NELL2: variants seen among roughly 807,000 people sequenced by gnomAD.
NELL2 encodes the protein neural EGFL like 2, also known as protein kinase C-binding protein NELL2.
In NELL2, 41 loss-of-function variants were observed where a neutral mutation model predicts 109.6. That is an observed-to-expected ratio of 0.37 (90% CI 0.29 to 0.49). The LOEUF is 0.49. Ranked by LOEUF, NELL2 falls within the 20% of genes least tolerant of loss-of-function variation. The pLI is 0.98. For synonymous variants in NELL2, 355 were observed against 344.7 expected, an observed-to-expected ratio of 1.03 and a Z score of -0.33; for missense variants, 900 against 1,008.3, an observed-to-expected ratio of 0.89 and a Z score of 1.45.
intron 15 of NELL2, among the ~76,000 whole-genome samples, chr12:44,542,020 T>G (rs1942595289): frequency 6.6e-6 from 1 of 152,154 alleles, no homozygotes. Context: ...AAGACCTACA[T>G]CTAAATACAC....
chr12:44,830,939 G>T (rs906700034), intron 2 of NELL2, among the ~76,000 whole-genome samples: 1 of 151,842 alleles, frequency 6.6e-6, no homozygotes, highest in African/African-American at 2.4e-5. Flanking sequence ...TGCTTTAAAA[G>T]TGTCAGAATT....
chr12:44,799,717 G>A lies in NELL2; in HGVS notation c.335+16269C>T, dbSNP rs145765005. ...TCTGAAGGGTTTTCAGGTGTGTAGG[G>A]GGGGTGATGTATTTAATATAGCTAA... On this transcript the variant is annotated intron_variant, in intron 3 of 19. Transcript: ENST00000429094. 5.1e-3 allele frequency among the ~76,000 whole-genome samples: 776 copies of A among 152,230 alleles called. 7 individuals are homozygous for A. The highest frequency in any genetic ancestry group is 0.018 in the African/African-American group (731 of 41,526).
At chr12:44,736,101 C>A (rs545433680) in intron 9 of NELL2, among the ~76,000 whole-genome samples, 8 of 150,738 alleles carry the variant, frequency 5.3e-5, no homozygotes, top group Non-Finnish European at 7.4e-5. Flanking sequence ...AGCTCCGCCT[C>A]CCGGGTTCAC....
At chr12:44,554,727 T>C (rs1378002787) in intron 15 of NELL2, among the ~76,000 whole-genome samples, 2 of 152,230 alleles carry the variant, frequency 1.3e-5, no homozygotes, top group African/African-American at 4.8e-5. Context: ...TACTGGTGTA[T>C]GACTGTCAAC....
chr12:44,777,124 G>T lies in NELL2; in HGVS notation c.680C>A (p.Thr227Asn), dbSNP rs1442690612. The T allele has an allele frequency of 6.2e-7, 1 of 1,613,960 alleles. No homozygotes were observed. The highest frequency in any genetic ancestry group is 8.5e-7 in the Non-Finnish European group (1 of 1,179,872). Residue 227 changes from threonine to asparagine, a missense_variant and splice_region_variant, in exon 7 of 20, where the codon ACC (threonine) becomes AAC (asparagine). Coordinates refer to ENST00000429094, the MANE Select transcript of NELL2 (RefSeq NM_001145108.2). ...FIAQCPDLNR[T>N]CPTCNDFHGL... is the part of the protein sequence containing the mutation. ...ATGGAAGTCATTGCAAGTTGGACAG[G>T]CTGGAATTACAAACACTACATTTGG...
intron 1 of NELL2, among the ~76,000 whole-genome samples, chr12:44,883,792 C>T (rs1371564178): frequency 6.6e-6 from 1 of 151,788 alleles, no homozygotes; most frequent in Non-Finnish European, 1.5e-5. Context: ...TCATAATTCT[C>T]TAGAGCACCA....
chr12:44,875,342 C>T lies in NELL2; in HGVS notation c.67G>A (p.Gly23Ser), dbSNP rs769785754. ...IFGLGAVWGL[G>S]VDPSLQIDVL... The stretch of plus-strand genomic sequence containing the variant: ...TCAATCTGTAGGGAAGGGTCCACAC[C>T]AAGCCCCCAAACTGGTGAGGGGTAT... The change falls in exon 2 of 20, where the codon GGT (glycine) becomes AGT (serine). Residue 23 changes from glycine to serine, a missense_variant. Gly to Ser is a moderately conservative substitution (Grantham distance 56). Coordinates refer to ENST00000429094, the MANE Select transcript of NELL2 (RefSeq NM_001145108.2). 36 of 1,613,938 alleles carry T rather than the reference C, an allele frequency of 2.2e-5. No homozygotes were observed. The highest frequency in any genetic ancestry group is 1.8e-4 in the Admixed American group (11 of 60,004).
intron 15 of NELL2, among the ~76,000 whole-genome samples, chr12:44,582,117 A>G (rs1944345095): frequency 6.6e-6 from 1 of 152,324 alleles, no homozygotes; most frequent in African/African-American, 2.4e-5. Flanking sequence ...GGGTGGGTAA[A>G]GACTGGGAAG....
chr12:44,656,975 CAAAG>C (rs1229288265), intron 13 of NELL2, among the ~76,000 whole-genome samples: 1 of 152,166 alleles, frequency 6.6e-6, no homozygotes. Context: ...TTAAATCCAT[CAAAG>C]AAATTACCTT....
At chr12:44,537,743 T>A (rs898388805) in intron 15 of NELL2, among the ~76,000 whole-genome samples, 1 of 152,154 alleles carries the variant, frequency 6.6e-6, no homozygotes, top group Admixed American at 6.6e-5. Flanking sequence ...CTGTCTCTTG[T>A]TGAGCTTCTG....
At chr12:44,543,846 C>G (rs1180224660) in intron 15 of NELL2, among the ~76,000 whole-genome samples, 1 of 152,120 alleles carries the variant, frequency 6.6e-6, no homozygotes, top group African/African-American at 2.4e-5. Flanking sequence ...TTTCCCAACT[C>G]CTCCCTCATT....
At chr12:44,814,603 T>G (rs1943278569) in intron 3 of NELL2, among the ~76,000 whole-genome samples, 2 of 151,968 alleles carry the variant, frequency 1.3e-5, no homozygotes, top group Non-Finnish European at 2.9e-5. Flanking sequence ...ACCAGGTGAG[T>G]GTTAGGATGG....
At chr12:44,753,003 C>T (rs1052865456) in intron 9 of NELL2, among the ~76,000 whole-genome samples, 10 of 152,142 alleles carry the variant, frequency 6.6e-5, no homozygotes, top group Non-Finnish European at 1.5e-4. Flanking sequence ...CCCACCACGA[C>T]CCTTGGACGC....
chr12:44,710,713 A>G (rs1432288173), intron 11 of NELL2, among the ~76,000 whole-genome samples: 3 of 152,130 alleles, frequency 2.0e-5, no homozygotes, highest in Non-Finnish European at 4.4e-5. Flanking sequence ...TAATAATTGA[A>G]GTCCCTTCTA....
chr12:44,786,667 A>G (rs143834556), intron 3 of NELL2, among the ~76,000 whole-genome samples: 2,200 of 152,346 alleles, frequency 0.014, 53 homozygotes, highest in African/African-American at 0.05. Flanking sequence ...AAAATGTGGC[A>G]TATATACACC....
chr12:44,669,591 G>T (rs1442794600), intron 12 of NELL2, among the ~76,000 whole-genome samples: 1 of 151,794 alleles, frequency 6.6e-6, no homozygotes, highest in Admixed American at 6.6e-5. Flanking sequence ...ATGACTGAAA[G>T]AATAAAATAA....
intron 3 of NELL2, among the ~76,000 whole-genome samples, chr12:44,788,011 G>T (rs771058713): frequency 6.6e-6 from 1 of 152,116 alleles, no homozygotes; most frequent in Non-Finnish European, 1.5e-5. Context: ...GTGAAAAGAT[G>T]AAAAGACATG....
chr12:44,713,472 G>C (rs554037796), intron 10 of NELL2, among the ~76,000 whole-genome samples: 1 of 151,840 alleles, frequency 6.6e-6, no homozygotes, highest in Admixed American at 6.6e-5. Context: ...ACTTAAAACG[G>C]CATTGGTGTA....
chr12:44,624,996 GTATATA>G (rs3072882), intron 13 of NELL2, among the ~76,000 whole-genome samples: 4,450 of 70,964 alleles, frequency 0.063, 239 homozygotes, highest in African/African-American at 0.23. Context: ...ATATGTGTGT[GTATATA>G]TATATATATA....
Sources: allele counts gnomAD v4.1 joint callset (sites outside exome capture counted in the v4.1 genomes callset), GRCh38; gene constraint gnomAD v4.1.1; transcripts MANE v1.5; gene names NCBI Gene and HGNC (gene_info 2026-07-23, HGNC 2026-07-21).